The following TMEM50A variants were observed in gnomAD, a reference collection of about 807,000 sequenced individuals.
TMEM50A encodes transmembrane protein 50A.
A neutral mutation model predicts 23.9 loss-of-function variants in TMEM50A; 8 were observed. The ratio of observed to expected loss-of-function variants is 0.33; its 90% CI spans 0.20 to 0.60. The LOEUF is 0.60. TMEM50A is among the 20% of genes least tolerant of loss of function. The pLI, the probability that TMEM50A is intolerant of heterozygous loss-of-function variation, is 0.81. For missense variants in TMEM50A, 178 were observed against 192.7 expected, an observed-to-expected ratio of 0.92 and a Z score of 0.45; for synonymous variants, 55 against 60.4, an observed-to-expected ratio of 0.91 and a Z score of 0.41.
chr1:25,353,339 A>G (rs3093620), intron 5 of TMEM50A, among the ~76,000 whole-genome samples: 1,887 of 152,100 alleles, frequency 0.012, 34 homozygotes, highest in African/African-American at 0.042. Flanking sequence ...CTGGAGTGCA[A>G]TGGCATGATC....
intron 3 of TMEM50A, among the ~76,000 whole-genome samples, chr1:25,347,237 C>CT (rs111684866): frequency 0.072 from 10,509 of 146,958 alleles, 1,162 homozygotes; most frequent in African/African-American, 0.24. Context: ...TTCTGTAGAC[C>CT]TTTTTTTTTT....
chr1:25,351,510 TTA>T, intron 3 of TMEM50A, 114 bp from the exon 4 acceptor site: 106 of 668,720 alleles, frequency 1.6e-4, no homozygotes, highest in East Asian at 2.2e-4. Context: ...CCCTGTATCT[TTA>T]AAAAAAAAAA....
At chr1:25,359,291 G>A (rs1451962972) in intron 6 of TMEM50A, among the ~76,000 whole-genome samples, 1 of 152,162 alleles carries the variant, frequency 6.6e-6, no homozygotes, top group African/African-American at 2.4e-5. Context: ...ATCTGGCCAT[G>A]GTGGATTCTT....
At position 25,362,228 on chromosome 1, in the gene TMEM50A, A is replaced by G; in HGVS notation, c.*1523A>G. Reference sequence around the variant, plus strand: ...GTAGCATGCTTTATTAAGCATGAGAAAGAATCTTAAGAATTGTCAATAAAA... The same window carrying G: ...GTAGCATGCTTTATTAAGCATGAGAGAGAATCTTAAGAATTGTCAATAAAA... On this transcript the variant is annotated 3_prime_UTR_variant, in exon 7 of 7. Transcript: ENST00000374358. 1 of 576,906 alleles carries G rather than the reference A, an allele frequency of 1.7e-6. No homozygotes were observed. Among genetic ancestry groups the G allele is most frequent in the Non-Finnish European group, 3.0e-6 (1 of 333,270 alleles). The allele number at this position is 576,906 out of a possible 1,614,324, so 35.7% of individuals were successfully genotyped here.
chr1:25,360,117 A>AG (rs1645381808), intron 6 of TMEM50A, among the ~76,000 whole-genome samples: 1 of 152,196 alleles, frequency 6.6e-6, no homozygotes, highest in Non-Finnish European at 1.5e-5. Context: ...TGGGAGGCCG[A>AG]GGTAGGCGGA....
intron 1 of TMEM50A, 55 bp from the exon 2 acceptor site, chr1:25,340,419 C>T (rs1645155086): frequency 1.5e-6 from 2 of 1,300,350 alleles, no homozygotes; most frequent in Non-Finnish European, 2.2e-6. Flanking sequence ...ATTTTTCGGG[C>T]TTGAAGCAAG....
chr1:25,340,263 A>G (rs553843072), intron 1 of TMEM50A, among the ~76,000 whole-genome samples: 6 of 152,332 alleles, frequency 3.9e-5, no homozygotes, highest in South Asian at 2.1e-4. Flanking sequence ...ATTAAAAAAG[A>G]TACTAAATGA....
intron 3 of TMEM50A, among the ~76,000 whole-genome samples, chr1:25,347,231 G>A (rs1044869775): frequency 2.0e-5 from 3 of 149,814 alleles, no homozygotes; most frequent in Non-Finnish European, 4.4e-5. Context: ...TCAGCTTTCT[G>A]TAGACCTTTT....
In TMEM50A at chr1:25,343,050, T is replaced by C; in HGVS notation, c.183T>C (p.Val61=). Residue 61 remains valine (V), a synonymous_variant, in exon 3 of 7, where the codon GTT becomes GTC. Coordinates refer to ENST00000374358, the MANE Select transcript of TMEM50A (RefSeq NM_014313.4). Reference sequence around the variant, plus strand: ...ACCACTCATACCATGCCTGTGGTGTTATAGCAACCATAGCCTTCCTAATGT... The same window carrying C: ...ACCACTCATACCATGCCTGTGGTGTCATAGCAACCATAGCCTTCCTAATGT... ...DFNHSYHACG[V]IATIAFLMIN... 2 of 1,612,680 alleles carry C rather than the reference T, an allele frequency of 1.2e-6. No individual in the cohort carries two copies.
intron 4 of TMEM50A, 48 bp from the exon 5 acceptor site, chr1:25,352,834 G>A (rs1411747582): frequency 6.6e-7 from 1 of 1,504,626 alleles, no homozygotes; most frequent in Admixed American, 2.0e-5. Flanking sequence ...AAAGTTAATT[G>A]TACTGCCCTA....
chr1:25,347,193 C>A (rs1010778277), intron 3 of TMEM50A, among the ~76,000 whole-genome samples: 1 of 152,132 alleles, frequency 6.6e-6, no homozygotes, highest in East Asian at 1.9e-4. Context: ...ACCTGTATAG[C>A]CCCCATCCTG....
intron 3 of TMEM50A, among the ~76,000 whole-genome samples, chr1:25,344,335 A>G (rs1477314788): frequency 4.6e-5 from 7 of 152,220 alleles, no homozygotes; most frequent in Non-Finnish European, 8.8e-5. Flanking sequence ...TAATAGGAGC[A>G]TTCCTGTTGA....
intron 3 of TMEM50A, among the ~76,000 whole-genome samples, chr1:25,346,499 A>T (rs1172711329): frequency 6.6e-6 from 1 of 152,154 alleles, no homozygotes; most frequent in East Asian, 1.9e-4. Flanking sequence ...GGGCTTAAGC[A>T]GTCCTCTGGC....
At chr1:25,341,815 C>G (rs961004242) in intron 2 of TMEM50A, among the ~76,000 whole-genome samples, 1 of 152,160 alleles carries the variant, frequency 6.6e-6, no homozygotes, top group Non-Finnish European at 1.5e-5. Context: ...CCACCTCAGC[C>G]TCCGGAGTAG....
chr1:25,358,467 G>T (rs772242640), intron 6 of TMEM50A, among the ~76,000 whole-genome samples: 1 of 152,010 alleles, frequency 6.6e-6, no homozygotes, highest in Non-Finnish European at 1.5e-5. Flanking sequence ...CTCCAAAAAA[G>T]AAACAAAAAT....
chr1:25,338,647 C>T, intron 1 of TMEM50A, 191 bp downstream of exon 1: 1 of 152,334 alleles, frequency 6.6e-6, no homozygotes, highest in Non-Finnish European at 1.5e-5. Flanking sequence ...CAGGAGAAGG[C>T]GACGGCGTCC....
intron 3 of TMEM50A, among the ~76,000 whole-genome samples, chr1:25,344,739 T>G (rs1214940887): frequency 1.6e-4 from 25 of 151,790 alleles, no homozygotes; most frequent in Non-Finnish European, 3.7e-4. Context: ...TTTTGGTGGT[T>G]GTTGGTAGAA....
At chr1:25,344,295 C>T (rs550981436) in intron 3 of TMEM50A, among the ~76,000 whole-genome samples, 4 of 152,256 alleles carry the variant, frequency 2.6e-5, no homozygotes, top group Middle Eastern at 3.4e-3. Context: ...TGGAAGGTTT[C>T]GAGCAGAGGA....
Position 25,340,598 on chromosome 1 carries a change from T to G in TMEM50A, c.93+19T>G, listed in dbSNP as rs769760776. On this transcript the variant is annotated intron_variant, in intron 2 of 6. Transcript: ENST00000374358. The stretch of plus-strand genomic sequence containing the variant: ...TGTACTAGTAAGTGTCATTGATTAT[T>G]TGGGCCTTATTTTTTGGTGCGTTTG... 1 of 1,598,594 alleles carries G rather than the reference T, an allele frequency of 6.3e-7. No individual in the cohort carries two copies. The highest frequency in any genetic ancestry group is 8.5e-7 in the Non-Finnish European group (1 of 1,169,822).
Sources: gnomAD v4.1 joint callset for allele counts (sites outside exome capture counted in the v4.1 genomes callset) on GRCh38, gnomAD v4.1.1 for gene constraint, MANE v1.5 for transcripts, NCBI Gene and HGNC (gene_info 2026-07-23, HGNC 2026-07-21) for gene names.